The following PAFAH1B2 variants were observed in gnomAD, a reference collection of about 807,000 sequenced individuals.
PAFAH1B2 encodes platelet activating factor acetylhydrolase 1b catalytic subunit 2.
PAFAH1B2 carries 8 observed loss-of-function variants against 28.0 expected under a neutral mutation model. That is an observed-to-expected ratio of 0.29 (90% confidence interval 0.17 to 0.52). PAFAH1B2 has a LOEUF of 0.52. Ranked by LOEUF, PAFAH1B2 falls within the 20% of genes least tolerant of loss-of-function variation. PAFAH1B2 has a pLI of 0.97. For synonymous variants in PAFAH1B2, 104 were observed against 103.2 expected, an observed-to-expected ratio of 1.01 and a Z score of -0.05; for missense variants, 190 against 282.6, an observed-to-expected ratio of 0.67 and a Z score of 2.35.
intron 1 of PAFAH1B2, among the ~76,000 whole-genome samples, chr11:117,148,666 T>A (rs566640426): frequency 1.4e-4 from 22 of 152,170 alleles, no homozygotes; most frequent in Admixed American, 5.2e-4. Context: ...TGTGTGCCTG[T>A]AGTCCCAGCT....
At chr11:117,146,352 C>T (rs1207067906) in intron 1 of PAFAH1B2, among the ~76,000 whole-genome samples, 1 of 152,004 alleles carries the variant, frequency 6.6e-6, no homozygotes, top group East Asian at 1.9e-4. Flanking sequence ...CTCGGCCTCC[C>T]AAAGTGCTGG....
At chr11:117,145,906 A>G (rs1193435988) in intron 1 of PAFAH1B2, among the ~76,000 whole-genome samples, 1 of 152,198 alleles carries the variant, frequency 6.6e-6, no homozygotes, top group Non-Finnish European at 1.5e-5. Context: ...ATGCTGGTAT[A>G]AGCACTTGGA....
chr11:117,157,336 T>A (rs541654759), intron 2 of PAFAH1B2, among the ~76,000 whole-genome samples: 2 of 152,108 alleles, frequency 1.3e-5, no homozygotes, highest in Admixed American at 6.6e-5. Flanking sequence ...GAGATGGGGT[T>A]TTGCCATGTT....
chr11:117,146,747 T>C (rs2134161866), intron 1 of PAFAH1B2, among the ~76,000 whole-genome samples: 1 of 151,282 alleles, frequency 6.6e-6, no homozygotes, highest in East Asian at 1.9e-4. Context: ...ATTCCTGTAA[T>C]TCCAGCACTT....
downstream of PAFAH1B2, chr11:117,171,114 C>T (rs1381249850): frequency 1.0e-5 from 10 of 972,614 alleles, no homozygotes; most frequent in Non-Finnish European, 1.2e-5. Context: ...TGGTTTTTCC[C>T]TGCCTTATCA....
chr11:117,162,931 A>G (rs183943865), intron 4 of PAFAH1B2, among the ~76,000 whole-genome samples: 154 of 152,152 alleles, frequency 1.0e-3, no homozygotes, highest in African/African-American at 3.3e-3. Context: ...GGCTGAATCA[A>G]TCTTCCCACC....
intron 5 of PAFAH1B2, among the ~76,000 whole-genome samples, chr11:117,165,105 G>A (rs1272992124): frequency 1.8e-4 from 27 of 149,950 alleles, no homozygotes; most frequent in African/African-American, 5.4e-4. Context: ...ACAGGCGCCC[G>A]CCACCACACC....
chr11:117,158,201 T>C (rs1956294815), intron 2 of PAFAH1B2, among the ~76,000 whole-genome samples: 1 of 152,134 alleles, frequency 6.6e-6, no homozygotes, highest in Non-Finnish European at 1.5e-5. Context: ...TTTGTTTTCT[T>C]TTTTCTTTCT....
In PAFAH1B2 at chr11:117,168,632, C is replaced by T. The variant is rs1956576168; in HGVS notation, c.*933C>T. ...GATTCTGTGTATTGCTGTTCATATT[C>T]GGAGTTCTGGTTTTGTTTTTCCCTT... On this transcript the variant is annotated 3_prime_UTR_variant, in exon 6 of 6. Transcript: ENST00000527958. 9.4e-6 allele frequency: 10 copies of T among 1,061,984 alleles called. No individual in the cohort carries two copies. Among genetic ancestry groups the T allele is most frequent in the South Asian group, 9.1e-5 (2 of 21,870 alleles). 65.8% of individuals were successfully genotyped at this position (1,061,984 alleles called of 1,614,324 possible). A position where few individuals can be genotyped will look rare whatever the true frequency, so the allele number is the denominator to read the frequency against.
In PAFAH1B2 at chr11:117,170,909, C is replaced by T. The variant is rs747679472; in HGVS notation, c.*3210C>T. The stretch of plus-strand genomic sequence containing the variant: ...TCCCCCAGGTTTCTTGGTGTTCCTG[C>T]TTGGGGATCACTGCTGCTAGCTGAC... On this transcript the variant is annotated 3_prime_UTR_variant, in exon 6 of 6. Coordinates refer to ENST00000527958, the MANE Select transcript of PAFAH1B2 (RefSeq NM_002572.4). 2.2e-5 allele frequency: 23 copies of T among 1,059,696 alleles called. No individual in the cohort carries two copies. Among genetic ancestry groups the T allele is most frequent in the Non-Finnish European group, 2.6e-5 (23 of 875,752 alleles). The allele number at this position is 1,059,696 out of a possible 1,614,324, so 65.6% of individuals were successfully genotyped here. A position where few individuals can be genotyped will look rare whatever the true frequency, so the allele number is the denominator to read the frequency against.
rs938910025 is a variant in PAFAH1B2 at position 117,163,702 on chromosome 11, A to G, written c.289-68A>G. ...AAAAAAAAAAAAAAGATTTTCATCT[A>G]AATGTTGGACGTTCCTTTGTTCCTG... is the stretch of plus-strand genomic sequence containing the variant. On this transcript the variant is annotated intron_variant, in intron 4 of 5. Transcript: ENST00000527958. The G allele has an allele frequency of 2.0e-5, 29 of 1,458,430 alleles. No individual in the cohort carries two copies. The East Asian group carries it at 6.5e-4, about 32-fold the overall frequency. 90.3% of individuals were successfully genotyped at this position (1,458,430 alleles called of 1,614,324 possible). A position where few individuals can be genotyped will look rare whatever the true frequency, so the allele number is the denominator to read the frequency against.
At chr11:117,174,405 A>T (rs1405191564), downstream of PAFAH1B2, among the ~76,000 whole-genome samples, 1 of 151,904 alleles carries the variant, frequency 6.6e-6, no homozygotes, top group Admixed American at 6.6e-5. Context: ...GCTGGTCTCA[A>T]ACTCCTGACC....
At chr11:117,145,595 T>C (rs1190380702) in intron 1 of PAFAH1B2, among the ~76,000 whole-genome samples, 1 of 152,112 alleles carries the variant, frequency 6.6e-6, no homozygotes, top group Non-Finnish European at 1.5e-5. Context: ...GGAGGATTAG[T>C]TTGTTGGCTT....
rs1256449838 is a variant in PAFAH1B2, at chr11:117,169,871, A to T, written c.*2172A>T. Reference sequence around the variant, plus strand: ...GTGGGAGTATGGTCCAAATAAATCCATTAGGTTACTCCTGCAGCATGCGCT... The same window carrying T: ...GTGGGAGTATGGTCCAAATAAATCCTTTAGGTTACTCCTGCAGCATGCGCT... On this transcript the variant is annotated 3_prime_UTR_variant, in exon 6 of 6. Coordinates refer to ENST00000527958, the MANE Select transcript of PAFAH1B2 (RefSeq NM_002572.4). 1 of 1,054,892 alleles carries T rather than the reference A, an allele frequency of 9.5e-7. No individual in the cohort carries two copies. The highest frequency in any genetic ancestry group is 1.1e-6 in the Non-Finnish European group (1 of 872,844). 65.3% of individuals were successfully genotyped at this position (1,054,892 alleles called of 1,614,324 possible).
At position 117,149,430 on chromosome 11, in the gene PAFAH1B2, G is replaced by GTTTTTTTTTTTTTTTTTTTTTTTTTT. The variant is rs746125678; in HGVS notation, c.-7-2997_-7-2996insTTTTTTTTTTTTTTTTTTTTTTTTTT. ...TTAATTTAAAAAAAGTTTTCTAATC[G>GTTTTTTTTTTTTTTTTTTTTTTTTTT]TTTTTTTTTTTTTTGAGATGGAGTC... On this transcript the variant is annotated intron_variant, in intron 1 of 5. Coordinates refer to ENST00000527958, the MANE Select transcript of PAFAH1B2 (RefSeq NM_002572.4). 1.5e-4 allele frequency among the ~76,000 whole-genome samples: 13 copies of GTTTTTTTTTTTTTTTTTTTTTTTTTT among 86,084 alleles called. 3 individuals are homozygous for GTTTTTTTTTTTTTTTTTTTTTTTTTT. Among genetic ancestry groups the GTTTTTTTTTTTTTTTTTTTTTTTTTT allele is most frequent in the South Asian group, 3.8e-4 (1 of 2,608 alleles). The allele number at this position is 86,084 out of a possible 152,430, so 56.5% of individuals were successfully genotyped here.
rs1956538250 is a variant in PAFAH1B2, at chr11:117,167,486, C to T, written c.477C>T (p.Leu159=). ...AAAAGAACGCCAAGGTGAACCAACT[C>T]CTCAAGGTTTCGCTGCCGAAGCTTG... ...LRQKNAKVNQ[L]LKVSLPKLAN... is the part of the protein sequence containing the mutation. The change falls in exon 6 of 6, where the codon CTC becomes CTT. Residue 159 remains leucine, a synonymous_variant. Coordinates refer to ENST00000527958, the MANE Select transcript of PAFAH1B2 (RefSeq NM_002572.4). 1 of 1,610,010 alleles carries T rather than the reference C, an allele frequency of 6.2e-7. No homozygotes were observed. Among genetic ancestry groups the T allele is most frequent in the Non-Finnish European group, 8.5e-7 (1 of 1,177,614 alleles).
At position 117,170,740 on chromosome 11, in the gene PAFAH1B2, C is replaced by G. The variant is rs1956634098; in HGVS notation, c.*3041C>G. On this transcript the variant is annotated 3_prime_UTR_variant, in exon 6 of 6. Coordinates refer to ENST00000527958, the MANE Select transcript of PAFAH1B2 (RefSeq NM_002572.4). ...TATTGTCTGTGCTGTGGTGTATGAG[C>G]ATTGCCAACTTTATATTTATTGCAG... The G allele has an allele frequency of 9.4e-7, 1 of 1,058,588 alleles. No individual in the cohort carries two copies. The highest frequency in any genetic ancestry group is 1.1e-6 in the Non-Finnish European group (1 of 875,738). 65.6% of individuals were successfully genotyped at this position (1,058,588 alleles called of 1,614,324 possible).
Position 117,169,469 on chromosome 11 carries a change from T to A in PAFAH1B2, c.*1770T>A, listed in dbSNP as rs1956596502. The A allele has an allele frequency of 9.8e-7, 1 of 1,019,642 alleles. No homozygotes were observed. Among genetic ancestry groups the A allele is most frequent in the Non-Finnish European group, 1.2e-6 (1 of 848,718 alleles). 63.2% of individuals were successfully genotyped at this position (1,019,642 alleles called of 1,614,324 possible). On this transcript the variant is annotated 3_prime_UTR_variant, in exon 6 of 6. Coordinates refer to ENST00000527958, the MANE Select transcript of PAFAH1B2 (RefSeq NM_002572.4). ...TTCAGTAACGTACTTGAAAGGCAAA[T>A]TTCAGTGCTTTTGTATGTTGGAGGA...
Position 117,170,282 on chromosome 11 carries a change from G to A in PAFAH1B2, c.*2583G>A. ...TGTGATTAAGGGGCCAACTTTCCAG[G>A]CAGCTAGCAGAGATACTATTCTCTT... On this transcript the variant is annotated 3_prime_UTR_variant, in exon 6 of 6. Coordinates refer to ENST00000527958, the MANE Select transcript of PAFAH1B2 (RefSeq NM_002572.4). The A allele has an allele frequency of 1.9e-6, 2 of 1,062,058 alleles. No homozygotes were observed. The highest frequency in any genetic ancestry group is 4.6e-5 in the South Asian group (1 of 21,872). The allele number at this position is 1,062,058 out of a possible 1,614,324, so 65.8% of individuals were successfully genotyped here. A position where few individuals can be genotyped will look rare whatever the true frequency, so the allele number is the denominator to read the frequency against.
Sources: gnomAD v4.1 joint callset for allele counts (sites outside exome capture counted in the v4.1 genomes callset) on GRCh38, gnomAD v4.1.1 for gene constraint, MANE v1.5 for transcripts, NCBI Gene and HGNC (gene_info 2026-07-23, HGNC 2026-07-21) for gene names.